FBXW10B: variants seen among roughly 807,000 people sequenced by gnomAD.
The protein encoded by FBXW10B is F-box and WD repeat domain containing 10B.
At chr17:15,618,918 T>G in the FBXW10B span, 20 of 1,553,852 alleles carry the variant, frequency 1.3e-5, no homozygotes, top group African/African-American at 2.5e-4. Flanking sequence ...TCTACCTATG[T>G]TGTCTACAAC....
the FBXW10B span, chr17:15,614,116 C>A: frequency 6.7e-7 from 1 of 1,485,684 alleles, no homozygotes; most frequent in Non-Finnish European, 9.2e-7. Flanking sequence ...ACCAAAAGCT[C>A]TCCCACAAAA....
At chr17:15,582,557 C>A in the FBXW10B span, among the ~76,000 whole-genome samples, 1 of 151,374 alleles carries the variant, frequency 6.6e-6, no homozygotes, top group African/African-American at 2.4e-5. Context: ...CAAAGAGAGT[C>A]CTTTACTTTT....
At chr17:15,604,300 A>C in the FBXW10B span, among the ~76,000 whole-genome samples, 7 of 152,140 alleles carry the variant, frequency 4.6e-5, no homozygotes, top group African/African-American at 1.4e-4. Flanking sequence ...TTGAGTTCAA[A>C]AACAGGCACA....
At chr17:15,569,622 G>A in the FBXW10B span, among the ~76,000 whole-genome samples, 55 of 151,694 alleles carry the variant, frequency 3.6e-4, 1 homozygote, top group East Asian at 0.01. Flanking sequence ...GCTGGGCCTA[G>A]GTAATTTTTT....
the FBXW10B span, chr17:15,565,987 G>A: frequency 3.7e-6 from 6 of 1,610,888 alleles, no homozygotes; most frequent in Admixed American, 1.0e-4. Flanking sequence ...CTGGGCTCTA[G>A]GACTGTGCAA....
At chr17:15,568,164 C>T in the FBXW10B span, among the ~76,000 whole-genome samples, 80 of 152,312 alleles carry the variant, frequency 5.3e-4, no homozygotes, top group Non-Finnish European at 9.7e-4. Flanking sequence ...CTTGGAATCA[C>T]GTCGAGGAGA....
the FBXW10B span, among the ~76,000 whole-genome samples, chr17:15,593,054 G>T: frequency 7.1e-6 from 1 of 140,776 alleles, no homozygotes; most frequent in South Asian, 2.4e-4. Context: ...AGTGAGCCGA[G>T]ATCGCATCAC....
At chr17:15,586,167 C>A in the FBXW10B span, among the ~76,000 whole-genome samples, 2 of 151,562 alleles carry the variant, frequency 1.3e-5, no homozygotes, top group Non-Finnish European at 2.9e-5. Context: ...AACCATTGGT[C>A]CACTTAAATT....
the FBXW10B span, among the ~76,000 whole-genome samples, chr17:15,577,795 T>C: frequency 0.17 from 25,205 of 152,098 alleles, 2,552 homozygotes; most frequent in Non-Finnish European, 0.23. Context: ...AAGGTTCATT[T>C]GGGCACCATT....
chr17:15,588,366 G>A, the FBXW10B span: 8 of 188,676 alleles, frequency 4.2e-5, no homozygotes, highest in Non-Finnish European at 1.1e-5. Context: ...AAATACAGGG[G>A]AAGAACAGCT....
chr17:15,578,873 T>C, the FBXW10B span, among the ~76,000 whole-genome samples: 6 of 152,086 alleles, frequency 3.9e-5, no homozygotes, highest in African/African-American at 1.4e-4. Context: ...ATGAGGGAGA[T>C]TCATTTTGGT....
chr17:15,607,188 G>A, the FBXW10B span, among the ~76,000 whole-genome samples: 1 of 150,274 alleles, frequency 6.7e-6, no homozygotes, highest in South Asian at 2.2e-4. Flanking sequence ...GTTATTGCTA[G>A]GTGATAGACT....
At chr17:15,565,728 C>A in the FBXW10B span, 23 of 1,613,984 alleles carry the variant, frequency 1.4e-5, no homozygotes, top group South Asian at 2.3e-4. Flanking sequence ...CCTTCACGGT[C>A]AACAGCACGA....
the FBXW10B span, chr17:15,593,284 C>A: frequency 7.5e-5 from 120 of 1,609,166 alleles, 1 homozygote; most frequent in South Asian, 8.3e-4. Context: ...GGAAAAAAAT[C>A]AAAAAATCCA....
chr17:15,568,322 T>TG, the FBXW10B span, among the ~76,000 whole-genome samples: 1 of 151,718 alleles, frequency 6.6e-6, no homozygotes, highest in Admixed American at 6.6e-5. Context: ...CTGTGTCTTG[T>TG]GGGGTTCTGA....
At chr17:15,568,780 C>G in the FBXW10B span, 4 of 995,172 alleles carry the variant, frequency 4.0e-6, no homozygotes, top group African/African-American at 5.0e-5. Flanking sequence ...CAAAGTCAGG[C>G]ACCTATAAGC....
chr17:15,584,565 C>T, the FBXW10B span, among the ~76,000 whole-genome samples: 1 of 152,162 alleles, frequency 6.6e-6, no homozygotes, highest in Admixed American at 6.5e-5. Flanking sequence ...ATAAATTTCA[C>T]ACAGTTTGCA....
the FBXW10B span, chr17:15,618,818 A>C: frequency 8.1e-4 from 795 of 983,370 alleles, 4 homozygotes; most frequent in African/African-American, 0.013. Flanking sequence ...AGGAAGTTAC[A>C]CTCAGTCATT....
the FBXW10B span, chr17:15,593,291 T>C: frequency 6.2e-7 from 1 of 1,609,344 alleles, no homozygotes; most frequent in Non-Finnish European, 8.5e-7. Flanking sequence ...AATCAAAAAA[T>C]CCAACAGAAT....
Sources: gnomAD v4.1 joint callset for allele counts (sites outside exome capture counted in the v4.1 genomes callset) on GRCh38, gnomAD v4.1.1 for gene constraint, MANE v1.5 for transcripts, NCBI Gene and HGNC (gene_info 2026-07-23, HGNC 2026-07-21) for gene names.